UBE4B: variants seen among roughly 807,000 people sequenced by gnomAD.
UBE4B encodes ubiquitination factor E4B.
UBE4B carries 27 observed loss-of-function variants against 148.1 expected under a neutral mutation model. The ratio of observed to expected loss-of-function variants is 0.18; its 90% CI spans 0.13 to 0.25. UBE4B has a LOEUF of 0.25. UBE4B is among the 10% of genes least tolerant of loss of function. The pLI is 1.00. For synonymous variants in UBE4B, 596 were observed against 619.3 expected (o/e 0.96, Z 0.56); for missense variants, 1,170 against 1,662.4 (o/e 0.70, Z 5.15).
chr1:10,045,570 G>A lies in UBE4B; in HGVS notation c.24+11876G>A, dbSNP rs1643895859. ...ACATATTTGATGAAATATGGTCTAT[G>A]TCCAGCATTGTTCTAGACCATGAGG... On this transcript the variant is annotated intron_variant, in intron 1 of 27. Coordinates refer to ENST00000343090, the MANE Select transcript of UBE4B (RefSeq NM_001105562.3). Among the ~76,000 whole-genome samples the A allele has an allele frequency of 1.3e-5, 2 of 152,200 alleles. 1 individual carries two copies. Among genetic ancestry groups the A allele is most frequent in the South Asian group, 4.1e-4 (2 of 4,830 alleles).
chr1:10,106,002 G>A lies in UBE4B; in HGVS notation c.810-195G>A, dbSNP rs1645099119. 6.6e-6 allele frequency among the ~76,000 whole-genome samples: 1 copy of A among 151,890 alleles called. No homozygotes were observed. The highest frequency in any genetic ancestry group is 2.4e-5 in the African/African-American group (1 of 41,338). On this transcript the variant is annotated intron_variant, in intron 6 of 27. Transcript: ENST00000343090. The surrounding 1 kb of genome is among the most constrained non-coding windows in gnomAD (Gnocchi z 4.2). ...GTATACTACATCATTCTTCGAATGG[G>A]GACTTTATCGTCTTGTAAGTATAGC... is the stretch of plus-strand genomic sequence containing the variant.
intron 22 of UBE4B, among the ~76,000 whole-genome samples, chr1:10,159,009 CAAAAAAA>C (rs368376272): frequency 2.9e-5 from 2 of 68,684 alleles, no homozygotes. Context: ...GACTCCGTCT[CAAAAAAA>C]AAAAAAAAAA....
intron 11 of UBE4B, chr1:10,128,930 T>C (rs1316155739): frequency 6.5e-6 from 1 of 153,044 alleles, no homozygotes; most frequent in African/African-American, 2.4e-5. Context: ...GTTATGTTTT[T>C]AAATATGTTT....
At chr1:10,100,854 A>G (rs1557551819) in intron 3 of UBE4B, 1 of 410,748 alleles carries the variant, frequency 2.4e-6, no homozygotes, top group Non-Finnish European at 4.4e-6. Context: ...GCACTCGGCC[A>G]ATGATATACT....
In UBE4B at chr1:10,106,268, C is replaced by G; in HGVS notation, c.881C>G (p.Ala294Gly). 1 of 1,614,104 alleles carries G rather than the reference C, an allele frequency of 6.2e-7. No individual in the cohort carries two copies. The highest frequency in any genetic ancestry group is 1.3e-5 in the African/African-American group (1 of 75,044). ...GTTCCCGTGATGGGCCCGTCTCTTG[C>G]CTCACCTTCCCGTGCAGCCAGCCAG... is the stretch of plus-strand genomic sequence containing the variant. ...SSVPVMGPSL[A>G]SPSRAASQLA... Residue 294 changes from alanine (A) to glycine (G), a missense_variant, in exon 7 of 28, where the codon GCC (alanine) becomes GGC (glycine). Physicochemically the swap from Ala to Gly is moderately conservative, Grantham distance 60 (BLOSUM62 0). This residue lies in a region of UBE4B where 214 missense variants were observed against 209.1 expected (regional missense o/e 1.02). Transcript: ENST00000343090. This position sits in a 1 kb window ranked among gnomAD's most constrained non-coding sequence, Gnocchi z 4.2.
intron 21 of UBE4B, among the ~76,000 whole-genome samples, chr1:10,151,974 T>G (rs1013138282): frequency 2.0e-5 from 3 of 152,252 alleles, no homozygotes; most frequent in Admixed American, 1.3e-4. Context: ...ATGCATATTC[T>G]TGGTCCGGGT....
At chr1:10,179,058 G>C (rs1197098220) in intron 26 of UBE4B, 1 of 485,592 alleles carries the variant, frequency 2.1e-6, no homozygotes, top group African/African-American at 2.0e-5. Flanking sequence ...CTAAGGGCAG[G>C]GCTGCCTTTG....
chr1:10,064,786 T>C (rs1644354923), intron 1 of UBE4B, among the ~76,000 whole-genome samples: 2 of 151,186 alleles, frequency 1.3e-5, no homozygotes, highest in African/African-American at 4.9e-5. Context: ...TTTTTTTAGA[T>C]AGAGTCTCAC....
intron 1 of UBE4B, among the ~76,000 whole-genome samples, chr1:10,070,926 T>G (rs1644473670): frequency 6.6e-6 from 1 of 152,196 alleles, no homozygotes; most frequent in African/African-American, 2.4e-5. Flanking sequence ...ATTAATTTAT[T>G]TTGGAGGTGG....
At chr1:10,034,866 C>G (rs1643442084) in intron 1 of UBE4B, among the ~76,000 whole-genome samples, 1 of 152,224 alleles carries the variant, frequency 6.6e-6, no homozygotes, top group African/African-American at 2.4e-5. Context: ...AAAATCAGGA[C>G]TGCCCATTCG....
chr1:10,143,601 G>A (rs114762967), intron 17 of UBE4B, among the ~76,000 whole-genome samples: 7 of 151,954 alleles, frequency 4.6e-5, no homozygotes, highest in African/African-American at 1.2e-4. Flanking sequence ...CGTCCCTTTC[G>A]CCATGGGAGA....
At chr1:10,156,040 A>G (rs1420407498) in intron 21 of UBE4B, among the ~76,000 whole-genome samples, 1 of 151,724 alleles carries the variant, frequency 6.6e-6, no homozygotes, top group Non-Finnish European at 1.5e-5. Context: ...AAAAAAAAAA[A>G]AAAAGAAAGA....
At chr1:10,150,916 T>G (rs10864444) in intron 20 of UBE4B, among the ~76,000 whole-genome samples, 2 of 146,416 alleles carry the variant, frequency 1.4e-5, no homozygotes, top group African/African-American at 2.5e-5. Context: ...AATCCCACCA[T>G]TTTGGGAGGT....
intron 2 of UBE4B, among the ~76,000 whole-genome samples, chr1:10,090,713 C>G (rs1644833758): frequency 6.6e-6 from 1 of 151,956 alleles, no homozygotes; most frequent in African/African-American, 2.4e-5. Flanking sequence ...AGCCACCACA[C>G]TTGACCTTTT....
intron 14 of UBE4B, among the ~76,000 whole-genome samples, chr1:10,131,963 A>G (rs1035064186): frequency 4.6e-5 from 7 of 151,624 alleles, no homozygotes; most frequent in African/African-American, 1.7e-4. Flanking sequence ...AAAAAAAAAA[A>G]CAACAAAAAT....
chr1:10,151,162 CA>C (rs112703239), intron 20 of UBE4B, among the ~76,000 whole-genome samples, 163 bp from the exon 21 acceptor site: 229 of 131,418 alleles, frequency 1.7e-3, no homozygotes, highest in Non-Finnish European at 1.6e-3. Context: ...GACTCTGTCT[CA>C]AAAAAAAAAA....
intron 1 of UBE4B, among the ~76,000 whole-genome samples, chr1:10,044,974 C>T (rs1643884139): frequency 6.6e-6 from 1 of 152,150 alleles, no homozygotes; most frequent in Non-Finnish European, 1.5e-5. Context: ...GAGCCCTGAC[C>T]TTGTTTTTCT....
Position 10,106,487 on chromosome 1 carries a change from G to A in UBE4B, c.1100G>A (p.Ser367Asn). Residue 367 changes from serine to asparagine, a missense_variant, in exon 7 of 28, where the codon AGT becomes AAT. Transcript: ENST00000343090. This position sits in a 1 kb window ranked among gnomAD's most constrained non-coding sequence, Gnocchi z 4.2. ...AGCCCCCAAGCAGTGCCCGCCAGCA[G>A]TTCCAGACAGAGGCCCAGCAGCACG... Reference protein sequence around the residue: ...ASSPQAVPASSSRQRPSSTGP... With the variant: ...ASSPQAVPASNSRQRPSSTGP... The A allele has an allele frequency of 6.2e-7, 1 of 1,613,666 alleles. No individual in the cohort carries two copies. Among genetic ancestry groups the A allele is most frequent in the African/African-American group, 1.3e-5 (1 of 75,048 alleles).
intron 23 of UBE4B, among the ~76,000 whole-genome samples, chr1:10,167,567 C>G (rs1243727896): frequency 6.7e-6 from 1 of 150,312 alleles, no homozygotes. Context: ...CTTATTTCAT[C>G]CTGAATAGAA....
Sources: gnomAD v4.1 joint callset for allele counts (sites outside exome capture counted in the v4.1 genomes callset) on GRCh38, gnomAD v4.1.1 for gene constraint, gnomAD v4.1.1 regional missense constraint, Gnocchi (gnomAD v3.1) non-coding constraint, MANE v1.5 for transcripts, NCBI Gene and HGNC (gene_info 2026-07-23, HGNC 2026-07-21) for gene names.